CDK19: variants seen among roughly 807,000 people sequenced by gnomAD.
The protein encoded by CDK19 is cyclin-dependent kinase 19.
In CDK19, 20 loss-of-function variants were observed where a neutral mutation model predicts 68.3. That is an observed-to-expected ratio of 0.29 (90% CI 0.21 to 0.43). The LOEUF (loss-of-function observed/expected upper bound fraction) is 0.43, where lower values mean the gene tolerates loss of function less well. Among genes scored for constraint, CDK19 ranks in the 20% least tolerant of loss-of-function variants. The pLI is 1.00. For missense variants in CDK19, 339 were observed against 623.5 expected, an observed-to-expected ratio of 0.54 and a Z score of 4.86; for synonymous variants, 221 against 222.8, an observed-to-expected ratio of 0.99 and a Z score of 0.07.
intron 4 of CDK19, among the ~76,000 whole-genome samples, chr6:110,642,998 A>G (rs117704848): frequency 0.028 from 4,263 of 152,342 alleles, 84 homozygotes; most frequent in South Asian, 0.083. Flanking sequence ...TGGAGAGTTA[A>G]GGAAAGGCAA....
At chr6:110,746,088 C>T (rs1394741160) in intron 2 of CDK19, 38 bp downstream of exon 2, 16 of 1,052,330 alleles carry the variant, frequency 1.5e-5, no homozygotes, top group Non-Finnish European at 2.2e-5. Flanking sequence ...CACCCAATAT[C>T]AATAATAAAA....
At chr6:110,660,003 C>A (rs1448379924) in intron 4 of CDK19, among the ~76,000 whole-genome samples, 1 of 152,008 alleles carries the variant, frequency 6.6e-6, no homozygotes, top group African/African-American at 2.4e-5. Context: ...TTAATTTTTG[C>A]TCTGTTTTGT....
At chr6:110,779,525 T>C (rs1780646724) in intron 1 of CDK19, among the ~76,000 whole-genome samples, 1 of 152,200 alleles carries the variant, frequency 6.6e-6, no homozygotes, top group African/African-American at 2.4e-5. Flanking sequence ...TGACTTTCCA[T>C]AGCCCTTAGC....
chr6:110,791,191 CATTA>C (rs1339798242), intron 1 of CDK19, among the ~76,000 whole-genome samples: 10 of 150,566 alleles, frequency 6.6e-5, no homozygotes, highest in Admixed American at 5.9e-4. Flanking sequence ...AAATTTAATT[CATTA>C]ATTAATTAAT....
At chr6:110,717,639 T>C (rs889402879) in intron 2 of CDK19, among the ~76,000 whole-genome samples, 4 of 152,206 alleles carry the variant, frequency 2.6e-5, no homozygotes, top group African/African-American at 9.6e-5. Context: ...AAGTGGGGCC[T>C]TTCGGGGGTG....
intron 2 of CDK19, among the ~76,000 whole-genome samples, chr6:110,734,570 G>A (rs528398113): frequency 2.2e-4 from 7 of 31,724 alleles, no homozygotes; most frequent in Non-Finnish European, 5.3e-4. Context: ...TCATGTCTGG[G>A]CTTTCCTCCA....
chr6:110,725,713 A>G (rs1211079904), intron 2 of CDK19, among the ~76,000 whole-genome samples: 1 of 152,224 alleles, frequency 6.6e-6, no homozygotes, highest in Non-Finnish European at 1.5e-5. Context: ...ACCTTTAAAT[A>G]GAACCTAGAA....
chr6:110,719,986 A>G (rs76456306), intron 2 of CDK19, among the ~76,000 whole-genome samples: 19,078 of 41,964 alleles, frequency 0.45, 2,592 homozygotes, highest in East Asian at 0.7. Context: ...CCCCCCCCCC[A>G]CCCCCCCCCT....
At chr6:110,767,511 T>C (rs1200214849) in intron 1 of CDK19, among the ~76,000 whole-genome samples, 1 of 148,038 alleles carries the variant, frequency 6.8e-6, no homozygotes, top group East Asian at 2.1e-4. Flanking sequence ...TACGTCACCA[T>C]GCCTGGCTAA....
chr6:110,661,299 T>C (rs1336243561), intron 4 of CDK19, among the ~76,000 whole-genome samples: 1 of 152,212 alleles, frequency 6.6e-6, no homozygotes, highest in Non-Finnish European at 1.5e-5. Context: ...CCATTGTATG[T>C]TGAAGATACT....
At chr6:110,814,919 G>A in intron 1 of CDK19, 90 bp downstream of exon 1, 1 of 1,553,666 alleles carries the variant, frequency 6.4e-7, no homozygotes, top group African/African-American at 1.4e-5. Flanking sequence ...CCTCGGGCAC[G>A]GCCCGACTGG....
intron 4 of CDK19, among the ~76,000 whole-genome samples, chr6:110,651,359 T>C (rs1476609733): frequency 6.6e-6 from 1 of 152,170 alleles, no homozygotes; most frequent in East Asian, 1.9e-4. Flanking sequence ...TCACTTCTAG[T>C]ACACTAAATA....
At chr6:110,688,668 C>T (rs886555498) in intron 2 of CDK19, among the ~76,000 whole-genome samples, 1 of 152,102 alleles carries the variant, frequency 6.6e-6, no homozygotes, top group African/African-American at 2.4e-5. Flanking sequence ...TTAACCCCAC[C>T]CAGCACAGGA....
chr6:110,733,441 T>C lies in CDK19; in HGVS notation c.204+12685A>G, dbSNP rs139910719. Among the ~76,000 whole-genome samples, 2 of 152,328 alleles carry C rather than the reference T, an allele frequency of 1.3e-5. 1 individual carries two copies. Among genetic ancestry groups the C allele is most frequent in the Non-Finnish European group, 2.9e-5 (2 of 68,034 alleles). ...TACAAGTTTTTTGTAGTCATGTGCATTAATTTCTCTTGGGTACAAATTACT... is the reference window on the plus strand; with the variant it reads ...TACAAGTTTTTTGTAGTCATGTGCACTAATTTCTCTTGGGTACAAATTACT... On this transcript the variant is annotated intron_variant, in intron 2 of 12. Coordinates refer to ENST00000368911, the MANE Select transcript of CDK19 (RefSeq NM_015076.5).
At chr6:110,662,472 T>C (rs1781680886) in intron 4 of CDK19, among the ~76,000 whole-genome samples, 1 of 152,168 alleles carries the variant, frequency 6.6e-6, no homozygotes, top group Admixed American at 6.5e-5. Flanking sequence ...TAAATCCACT[T>C]AATAATATTA....
intron 2 of CDK19, among the ~76,000 whole-genome samples, chr6:110,689,840 C>T (rs1337503458): frequency 6.6e-6 from 1 of 151,972 alleles, no homozygotes; most frequent in South Asian, 2.1e-4. Context: ...GCAGCTAGAC[C>T]CACAGGAGCA....
chr6:110,672,486 T>C (rs1281806424), intron 2 of CDK19, among the ~76,000 whole-genome samples: 1 of 152,226 alleles, frequency 6.6e-6, no homozygotes, highest in Admixed American at 6.5e-5. Context: ...AAAAATTTGT[T>C]TTGACTAGAT....
chr6:110,723,135 C>CAAAAAAA (rs760048229), intron 2 of CDK19, among the ~76,000 whole-genome samples: 3 of 65,494 alleles, frequency 4.6e-5, no homozygotes, highest in Non-Finnish European at 6.7e-5. Context: ...AAGGCTTTGT[C>CAAAAAAA]AAAAAAAACA....
intron 1 of CDK19, among the ~76,000 whole-genome samples, chr6:110,793,846 A>G (rs1024030267): frequency 1.3e-5 from 2 of 152,220 alleles, no homozygotes; most frequent in Admixed American, 6.5e-5. Flanking sequence ...AAAACCACTG[A>G]ACAGACAGAG....
Sources: gnomAD v4.1 joint callset for allele counts (sites outside exome capture counted in the v4.1 genomes callset) on GRCh38, gnomAD v4.1.1 for gene constraint, MANE v1.5 for transcripts, NCBI Gene and HGNC (gene_info 2026-07-23, HGNC 2026-07-21) for gene names.